ZFHX2: variants seen among roughly 807,000 people sequenced by gnomAD.
ZFHX2 encodes zinc finger homeobox protein 2.
Under a neutral mutation model 164.8 loss-of-function variants are expected in ZFHX2, and 75 were observed. The observed-to-expected ratio is 0.46, with a 90% confidence interval of 0.38 to 0.55. ZFHX2 has a LOEUF of 0.55. ZFHX2 is among the 20% of genes least tolerant of loss of function. ZFHX2 has a pLI of 0.00. For missense variants in ZFHX2, 2,933 were observed against 3,308.0 expected (o/e 0.89, Z 2.78); for synonymous variants, 1,217 against 1,351.4 (o/e 0.90, Z 2.18).
chr14:23,532,377 A>T, intron 3 of ZFHX2, 190 bp downstream of exon 3: 1 of 651,018 alleles, frequency 1.5e-6, no homozygotes, highest in Non-Finnish European at 2.3e-6. Context: ...GTCAGAGTTT[A>T]CTATCCTTTG....
intron 1 of ZFHX2, chr14:23,548,363 A>G (rs1881604028): frequency 6.6e-6 from 1 of 152,212 alleles, no homozygotes; most frequent in Non-Finnish European, 1.5e-5. Flanking sequence ...GGCAAGGTCA[A>G]GCTACCAGAG....
rs1878913951 is a variant in ZFHX2, at chr14:23,527,592, G to A, written c.3135+12C>T. On this transcript the variant is annotated intron_variant, in intron 7 of 9. Transcript: ENST00000419474. ...GGTCTTGTTGTACCGTCCTCACCCAGCCTGTACTCACTACAAGCAGCAGCT... is the reference window on the plus strand; with the variant it reads ...GGTCTTGTTGTACCGTCCTCACCCAACCTGTACTCACTACAAGCAGCAGCT... 6.5e-7 allele frequency: 1 copy of A among 1,536,586 alleles called. No homozygotes were observed.
In ZFHX2 at chr14:23,534,474, G is replaced by A; in HGVS notation, c.852C>T (p.Gly284=). 2.0e-6 allele frequency: 3 copies of A among 1,536,314 alleles called. No individual in the cohort carries two copies. The highest frequency in any genetic ancestry group is 2.6e-6 in the Non-Finnish European group (3 of 1,146,962). The change falls in exon 2 of 10, where the codon GGC becomes GGT. Residue 284 remains glycine, a synonymous_variant. Transcript: ENST00000419474. The surrounding 1 kb of genome is among the most constrained non-coding windows in gnomAD (Gnocchi z 4.5). The part of the protein sequence containing the change: ...SPAVLQEGDE[G]CKALISFLEP... ...CCAGAAAGCTTATGAGGGCCTTGCA[G>A]CCTTCATCTCCCTCCTGGAGTACAG...
rs962418743 is a variant in ZFHX2, at chr14:23,551,104, C to G, written c.-50+239G>C. Among the ~76,000 whole-genome samples, 1 of 151,990 alleles carries G rather than the reference C, an allele frequency of 6.6e-6. No individual in the cohort carries two copies. Among genetic ancestry groups the G allele is most frequent in the Middle Eastern group, 3.4e-3 (1 of 294 alleles). On this transcript the variant is annotated intron_variant, in intron 1 of 9. Coordinates refer to ENST00000419474, the MANE Select transcript of ZFHX2 (RefSeq NM_033400.3). The surrounding 1 kb of genome is among the most constrained non-coding windows in gnomAD (Gnocchi z 5.3). ...CCCCGCATCTCTCTTCCCCCATCCT[C>G]GCGCACGCCCTCTTCCTCCCACACC...
At chr14:23,529,538 C>T in intron 6 of ZFHX2, 172 bp downstream of exon 6, 4 of 659,020 alleles carry the variant, frequency 6.1e-6, no homozygotes, top group East Asian at 5.6e-5. Context: ...GCCAGCTCTG[C>T]CCCCGAAAGT....
In ZFHX2 at chr14:23,530,228, G is replaced by C. The variant is rs1879358991; in HGVS notation, c.2801-34C>G. 3.4e-6 allele frequency: 5 copies of C among 1,466,220 alleles called. No homozygotes were observed. The East Asian group carries it at 1.2e-4, about 36-fold the overall frequency. The allele number at this position is 1,466,220 out of a possible 1,614,324, so 90.8% of individuals were successfully genotyped here. On this transcript the variant is annotated intron_variant, in intron 4 of 9. Coordinates refer to ENST00000419474, the MANE Select transcript of ZFHX2 (RefSeq NM_033400.3). Reference sequence around the variant, plus strand: ...GATGGGGGGAGAGTCAGCTTAAAGAGGTGTGGCATCAGGGAAGGGAGGACA... The same window carrying C: ...GATGGGGGGAGAGTCAGCTTAAAGACGTGTGGCATCAGGGAAGGGAGGACA...
chr14:23,529,614 A>G, intron 6 of ZFHX2, 96 bp downstream of exon 6: 1 of 1,240,596 alleles, frequency 8.1e-7, no homozygotes, highest in Non-Finnish European at 1.1e-6. Context: ...GAAATAAGTC[A>G]AAGCATGACA....
chr14:23,554,031 T>G (rs1882160889), upstream of ZFHX2, among the ~76,000 whole-genome samples: 1 of 110,574 alleles, frequency 9.0e-6, no homozygotes, highest in African/African-American at 3.9e-5. Flanking sequence ...AGAGTGAGAC[T>G]CTGTCTCAAA....
rs1279102076 is a variant in ZFHX2 at position 23,532,779 on chromosome 14, C to A, written c.2347G>T (p.Ala783Ser). The A allele has an allele frequency of 1.3e-6, 2 of 1,536,342 alleles. No individual in the cohort carries two copies. The highest frequency in any genetic ancestry group is 2.4e-5 in the South Asian group (2 of 84,060). Reference sequence around the variant, plus strand: ...TGGGCTGCCAGCTGGTACTTCTGAGCATGTTTGTCAGTCTTGAGGTGGAGT... The same window carrying A: ...TGGGCTGCCAGCTGGTACTTCTGAGAATGTTTGTCAGTCTTGAGGTGGAGT... ...FQLHLKTDKH[A>S]QKYQLAAHLR... Residue 783 changes from alanine to serine, a missense_variant, in exon 3 of 10, where the codon GCT becomes TCT. Ala to Ser is a moderately conservative substitution (Grantham distance 99). Coordinates refer to ENST00000419474, the MANE Select transcript of ZFHX2 (RefSeq NM_033400.3).
At chr14:23,542,998 C>T (rs1411210460) in intron 1 of ZFHX2, 1 of 152,174 alleles carries the variant, frequency 6.6e-6, no homozygotes, top group African/African-American at 2.4e-5. Flanking sequence ...CCTGGGATTA[C>T]AGGCGTGAGC....
At chr14:23,536,956 G>GGTGAAACCCTA (rs1356683304) in intron 1 of ZFHX2, among the ~76,000 whole-genome samples, 2 of 150,982 alleles carry the variant, frequency 1.3e-5, no homozygotes, top group Non-Finnish European at 3.0e-5. Flanking sequence ...TGGCCAACAT[G>GGTGAAACCCTA]GTGAAACCCT....
Position 23,526,251 on chromosome 14 carries a change from G to T in ZFHX2, c.3691C>A (p.Arg1231=), listed in dbSNP as rs909575510. The T allele has an allele frequency of 2.0e-6, 3 of 1,536,236 alleles. No homozygotes were observed. Among genetic ancestry groups the T allele is most frequent in the African/African-American group, 2.7e-5 (2 of 73,016 alleles). ...KAAIDPSAPA[R]GEAGAPPTTT... is the part of the protein sequence containing the mutation. ...GTGGGTGGGGCACCGGCCTCTCCCCGTGCAGGGGCAGAGGGGTCAATGGCA... is the reference window on the plus strand; with the variant it reads ...GTGGGTGGGGCACCGGCCTCTCCCCTTGCAGGGGCAGAGGGGTCAATGGCA... Residue 1231 remains arginine (R), a synonymous_variant, in exon 9 of 10, where the codon CGG becomes AGG. Transcript: ENST00000419474.
intron 1 of ZFHX2, among the ~76,000 whole-genome samples, chr14:23,539,642 C>T (rs527282422): frequency 1.3e-5 from 2 of 152,148 alleles, no homozygotes; most frequent in Non-Finnish European, 2.9e-5. Flanking sequence ...GGAGCCATGT[C>T]GTGGATTCAG....
chr14:23,522,605 G>T lies in ZFHX2; in HGVS notation c.7076C>A (p.Pro2359Gln). 1 of 1,531,414 alleles carries T rather than the reference G, an allele frequency of 6.5e-7. No homozygotes were observed. Among genetic ancestry groups the T allele is most frequent in the Non-Finnish European group, 8.7e-7 (1 of 1,143,754 alleles). 94.9% of individuals were successfully genotyped at this position (1,531,414 alleles called of 1,614,324 possible). A position where few individuals can be genotyped will look rare whatever the true frequency, so the allele number is the denominator to read the frequency against. The stretch of plus-strand genomic sequence containing the variant: ...CTGTAGCTGGGGGCCAAAGACAGCT[G>T]GCGGTGCTGTTCCCCCAGCAGGGGG... ...PLPPAGGTAP[P>Q]AVFGPQLQGA... The change falls in exon 10 of 10, where the codon CCA becomes CAA. Residue 2359 changes from proline (P) to glutamine (Q), a missense_variant. Coordinates refer to ENST00000419474, the MANE Select transcript of ZFHX2 (RefSeq NM_033400.3).
chr14:23,527,752 C>T lies in ZFHX2; in HGVS notation c.2987G>A (p.Arg996Lys). The T allele has an allele frequency of 2.0e-6, 3 of 1,536,126 alleles. No individual in the cohort carries two copies. The highest frequency in any genetic ancestry group is 2.6e-6 in the Non-Finnish European group (3 of 1,146,932). ...SFLSPESSQV[R>K]AHTLSQHAVQ... ...TGCATGCTGGGAGAGTGTATGAGCC[C>T]TCACCTGGCTGGACTCTGGGCTCAG... is the stretch of plus-strand genomic sequence containing the variant. Residue 996 changes from arginine (R) to lysine (K), a missense_variant, in exon 7 of 10, where the codon AGG becomes AAG. Transcript: ENST00000419474.
In ZFHX2 at chr14:23,543,265, T is replaced by C. The variant is rs780530525; in HGVS notation, c.-49-7891A>G. On this transcript the variant is annotated intron_variant, in intron 1 of 9. Coordinates refer to ENST00000419474, the MANE Select transcript of ZFHX2 (RefSeq NM_033400.3). ...CTGATGCAATAGATGTAGCTATTCA[T>C]TCCTATTTTACAAACATGGAGACTG... The C allele has an allele frequency of 4.6e-5, 7 of 152,212 alleles. No homozygotes were observed. The South Asian group carries it at 6.2e-4, about 13-fold the overall frequency. The allele number at this position is 152,212 out of a possible 1,614,324, so 9.4% of individuals were successfully genotyped here.
intron 1 of ZFHX2, among the ~76,000 whole-genome samples, chr14:23,545,951 C>T (rs1165449587): frequency 6.6e-6 from 1 of 152,242 alleles, no homozygotes; most frequent in African/African-American, 2.4e-5. Flanking sequence ...CCTCTGCCCT[C>T]CTTCACTGAG....
At chr14:23,531,403 A>G (rs1879535199) in intron 4 of ZFHX2, 78 bp downstream of exon 4, 25 of 1,331,016 alleles carry the variant, frequency 1.9e-5, no homozygotes, top group Non-Finnish European at 2.4e-5. Context: ...TTGTATCTCT[A>G]ACTCCGCAGC....
At chr14:23,531,849 C>T in intron 3 of ZFHX2, 128 bp from the exon 4 acceptor site, 5 of 1,180,564 alleles carry the variant, frequency 4.2e-6, no homozygotes, top group Non-Finnish European at 5.3e-6. Context: ...ATGATCTCTA[C>T]TCACTGAAGC....
Sources: gnomAD v4.1 joint callset for allele counts (sites outside exome capture counted in the v4.1 genomes callset) on GRCh38, gnomAD v4.1.1 for gene constraint, Gnocchi (gnomAD v3.1) non-coding constraint, MANE v1.5 for transcripts, NCBI Gene and HGNC (gene_info 2026-07-23, HGNC 2026-07-21) for gene names.